The following CADM2 variants were observed in gnomAD, a reference collection of about 807,000 sequenced individuals.
CADM2 encodes the protein cell adhesion molecule 2.
Under a neutral mutation model 49.8 loss-of-function variants are expected in CADM2, and 12 were observed. The ratio of observed to expected loss-of-function variants is 0.24; its 90% confidence interval spans 0.15 to 0.39. CADM2 has a LOEUF of 0.39. Among genes scored for constraint, CADM2 ranks in the 10% least tolerant of loss-of-function variants. The pLI is 1.00. For synonymous variants in CADM2, 214 were observed against 175.4 expected (o/e 1.22, Z -1.74); for missense variants, 378 against 492.3 (o/e 0.77, Z 2.20).
intron 1 of CADM2, among the ~76,000 whole-genome samples, chr3:85,239,378 AACTAAAGAGCTGTAAC>A (rs1202284328): frequency 6.6e-6 from 1 of 151,738 alleles, no homozygotes; most frequent in Non-Finnish European, 1.5e-5. Flanking sequence ...TAACATTTCA[AACTAAAGAGCTGTAAC>A]ACTAAAGAGC....
At chr3:85,605,343 T>G (rs1361152005) in intron 1 of CADM2, among the ~76,000 whole-genome samples, 3 of 152,054 alleles carry the variant, frequency 2.0e-5, no homozygotes, top group Non-Finnish European at 4.4e-5. Context: ...GGAACAAATA[T>G]TCACAGGATT....
At chr3:85,859,239 T>C (rs1159752136) in intron 3 of CADM2, among the ~76,000 whole-genome samples, 21 of 133,712 alleles carry the variant, frequency 1.6e-4, no homozygotes, top group African/African-American at 5.9e-4. Context: ...TTTTTTTTTT[T>C]TTTTTTTTTT....
chr3:85,579,410 G>A (rs1397674228), intron 1 of CADM2, among the ~76,000 whole-genome samples: 1 of 152,052 alleles, frequency 6.6e-6, no homozygotes, highest in Non-Finnish European at 1.5e-5. Flanking sequence ...TCTCAGATGT[G>A]TGCATGCAAC....
chr3:85,615,756 TA>T (rs1184870937), intron 1 of CADM2, among the ~76,000 whole-genome samples: 5 of 151,788 alleles, frequency 3.3e-5, no homozygotes. Flanking sequence ...TGCTGCCCTA[TA>T]GATCTGAAGA....
At chr3:85,594,227 A>G (rs1282862292) in intron 1 of CADM2, among the ~76,000 whole-genome samples, 1 of 151,942 alleles carries the variant, frequency 6.6e-6, no homozygotes, top group East Asian at 1.9e-4. Flanking sequence ...TCTTAAAGAT[A>G]CTACATTTGC....
intron 1 of CADM2, among the ~76,000 whole-genome samples, chr3:85,182,107 A>G (rs2040950144): frequency 6.6e-6 from 1 of 151,898 alleles, no homozygotes; most frequent in Admixed American, 6.6e-5. Context: ...ATTAGTGGCA[A>G]ATCTATAAAT....
intron 1 of CADM2, among the ~76,000 whole-genome samples, chr3:85,012,008 T>C (rs2034019301): frequency 6.6e-6 from 1 of 151,790 alleles, no homozygotes; most frequent in South Asian, 2.1e-4. Context: ...AACTACCAAT[T>C]CCACACTTTA....
intron 1 of CADM2, among the ~76,000 whole-genome samples, chr3:85,218,657 G>A (rs1253716885): frequency 2.0e-5 from 3 of 152,040 alleles, no homozygotes; most frequent in South Asian, 2.1e-4. Context: ...TTAGCCTGGC[G>A]TGGTGGCAGG....
intron 8 of CADM2, among the ~76,000 whole-genome samples, chr3:86,033,671 GTA>G (rs34632130): frequency 0.31 from 43,246 of 137,784 alleles, 7,741 homozygotes; most frequent in Admixed American, 0.4. Flanking sequence ...TTATATATAT[GTA>G]TATATATATA....
intron 1 of CADM2, among the ~76,000 whole-genome samples, chr3:85,620,153 A>G (rs1559947451): frequency 6.6e-6 from 1 of 152,142 alleles, no homozygotes. Context: ...ACATATTCAC[A>G]TGGAAAGGAA....
intron 8 of CADM2, among the ~76,000 whole-genome samples, chr3:85,964,707 G>T (rs538504369): frequency 6.6e-6 from 1 of 151,766 alleles, no homozygotes; most frequent in South Asian, 2.1e-4. Context: ...TAAACATCTT[G>T]CTTAAGAAAC....
intron 1 of CADM2, among the ~76,000 whole-genome samples, chr3:85,112,979 T>C (rs2038515676): frequency 6.6e-6 from 1 of 151,960 alleles, no homozygotes; most frequent in Non-Finnish European, 1.5e-5. Context: ...TAATAACAAA[T>C]TTATAAATTA....
chr3:85,343,134 G>T (rs749426558), intron 1 of CADM2, among the ~76,000 whole-genome samples: 1 of 152,112 alleles, frequency 6.6e-6, no homozygotes, highest in Non-Finnish European at 1.5e-5. Context: ...GTGGGTAGGG[G>T]CAGGGATGCT....
chr3:85,718,080 T>C (rs904248196), intron 1 of CADM2, among the ~76,000 whole-genome samples: 2 of 152,182 alleles, frequency 1.3e-5, no homozygotes, highest in Admixed American at 1.3e-4. Context: ...AGAAGTTAGT[T>C]TTTTAAGGAT....
At chr3:85,292,714 AG>A (rs1449618256) in intron 1 of CADM2, among the ~76,000 whole-genome samples, 3 of 152,146 alleles carry the variant, frequency 2.0e-5, no homozygotes, top group Admixed American at 2.0e-4. Flanking sequence ...AAATGAAGGC[AG>A]AAATAAAGAT....
At chr3:85,990,057 T>G (rs1728595732) in intron 8 of CADM2, among the ~76,000 whole-genome samples, 1 of 72,756 alleles carries the variant, frequency 1.4e-5, no homozygotes, top group South Asian at 4.5e-4. Flanking sequence ...AGACTAATAA[T>G]GGAGTTAGAA....
intron 1 of CADM2, among the ~76,000 whole-genome samples, chr3:85,014,361 GTTA>G (rs2034151436): frequency 6.6e-6 from 1 of 151,734 alleles, no homozygotes; most frequent in Non-Finnish European, 1.5e-5. Context: ...TTTATTATTA[GTTA>G]TTGTTGTTAA....
intron 1 of CADM2, among the ~76,000 whole-genome samples, chr3:85,045,560 T>C (rs1325142922): frequency 6.6e-6 from 1 of 152,174 alleles, no homozygotes; most frequent in Non-Finnish European, 1.5e-5. Flanking sequence ...ATTTTGTGTA[T>C]ACTTTATAAT....
Position 85,621,282 on chromosome 3 carries a change from A to G in CADM2, c.62-105240A>G, listed in dbSNP as rs192594101. ...ATTAATTTTGCTTTAGAGATGTTAT[A>G]TAAACCAGTGTATAGAAGCTGCTTT... On this transcript the variant is annotated intron_variant, in intron 1 of 9. Transcript: ENST00000383699. Among the ~76,000 whole-genome samples, 213 of 152,296 alleles carry G rather than the reference A, an allele frequency of 1.4e-3. 1 individual carries two copies. Among genetic ancestry groups the G allele is most frequent in the Non-Finnish European group, 9.7e-4 (66 of 67,990 alleles).
Sources: allele counts gnomAD v4.1 joint callset (sites outside exome capture counted in the v4.1 genomes callset), GRCh38; gene constraint gnomAD v4.1.1; transcripts MANE v1.5; gene names NCBI Gene and HGNC (gene_info 2026-07-23, HGNC 2026-07-21).